The following TRIO variants were observed in gnomAD, a reference collection of about 807,000 sequenced individuals.
TRIO encodes the protein triple functional domain protein.
TRIO carries 58 observed loss-of-function variants against 351.9 expected under a neutral mutation model. The observed-to-expected ratio is 0.16, with a 90% CI of 0.13 to 0.21. The LOEUF is 0.21. Among genes scored for constraint, TRIO ranks in the 10% least tolerant of loss-of-function variants. The pLI, the probability that TRIO is intolerant of heterozygous loss-of-function variation, is 1.00. For missense variants in TRIO, 3,201 were observed against 4,027.8 expected, an observed-to-expected ratio of 0.79 and a Z score of 5.56; for synonymous variants, 1,758 against 1,595.7, an observed-to-expected ratio of 1.10 and a Z score of -2.42.
rs958526186 is a variant in TRIO at position 14,509,561 on chromosome 5, A to G, written c.*1139A>G. 1 of 321,362 alleles carries G rather than the reference A, an allele frequency of 3.1e-6. No homozygotes were observed. The highest frequency in any genetic ancestry group is 6.1e-6 in the Non-Finnish European group (1 of 164,236). The allele number at this position is 321,362 out of a possible 1,614,324, so 19.9% of individuals were successfully genotyped here. On this transcript the variant is annotated 3_prime_UTR_variant, in exon 57 of 57. Transcript: ENST00000344204. The stretch of plus-strand genomic sequence containing the variant: ...TATTATGCTATTATTCAGAATGCCA[A>G]AGTATTATTTTTTTTCCCAAAATCA...
chr5:14,456,451 T>C (rs1048631573), intron 34 of TRIO, among the ~76,000 whole-genome samples: 1 of 152,246 alleles, frequency 6.6e-6, no homozygotes, highest in Non-Finnish European at 1.5e-5. Flanking sequence ...TACACAGGGC[T>C]CTGACCACAG....
At chr5:14,192,032 T>A (rs1030356959) in intron 1 of TRIO, among the ~76,000 whole-genome samples, 5 of 152,196 alleles carry the variant, frequency 3.3e-5, no homozygotes, top group African/African-American at 1.2e-4. Flanking sequence ...GTATCTAATA[T>A]CCAGGAGATA....
chr5:14,363,342 T>A (rs775537970), intron 13 of TRIO, among the ~76,000 whole-genome samples: 7 of 152,230 alleles, frequency 4.6e-5, no homozygotes, highest in Non-Finnish European at 7.3e-5. Context: ...ACTTTTTCTT[T>A]TCTTTCTTTT....
At chr5:14,400,857 T>C in intron 30 of TRIO, 106 bp from the exon 31 acceptor site, 1 of 952,402 alleles carries the variant, frequency 1.0e-6, no homozygotes, top group Non-Finnish European at 1.6e-6. Context: ...GACGTTCTTA[T>C]AACCTAACAT....
chr5:14,170,758 G>C (rs1390801088), intron 1 of TRIO, among the ~76,000 whole-genome samples: 2 of 152,042 alleles, frequency 1.3e-5, no homozygotes, highest in East Asian at 3.9e-4. Flanking sequence ...TCTCGCCTTC[G>C]CTTCCCAAAG....
At chr5:14,378,386 A>G (rs1357927462) in intron 20 of TRIO, among the ~76,000 whole-genome samples, 1 of 152,258 alleles carries the variant, frequency 6.6e-6, no homozygotes, top group South Asian at 2.1e-4. Context: ...AGTACAAGTA[A>G]TAATGACAAG....
chr5:14,156,471 C>T (rs1270169677), intron 1 of TRIO, among the ~76,000 whole-genome samples: 2 of 152,074 alleles, frequency 1.3e-5, no homozygotes, highest in Non-Finnish European at 2.9e-5. Flanking sequence ...CATATGCAAA[C>T]GTGATTGAGA....
At chr5:14,258,022 A>G (rs1028023075) in intron 1 of TRIO, among the ~76,000 whole-genome samples, 3 of 152,184 alleles carry the variant, frequency 2.0e-5, no homozygotes, top group Non-Finnish European at 4.4e-5. Flanking sequence ...TGGAGAGACT[A>G]GGTAACTGCC....
chr5:14,241,862 T>C (rs1365080186), intron 1 of TRIO, among the ~76,000 whole-genome samples: 1 of 152,212 alleles, frequency 6.6e-6, no homozygotes, highest in African/African-American at 2.4e-5. Context: ...TTATATTCCA[T>C]TGCAAGCTTA....
intron 30 of TRIO, among the ~76,000 whole-genome samples, chr5:14,400,724 G>T (rs1170854406): frequency 6.6e-6 from 1 of 152,046 alleles, no homozygotes; most frequent in Admixed American, 6.6e-5. Flanking sequence ...TTTTTTGCTC[G>T]TTGACCTGCA....
At chr5:14,345,383 A>G (rs190358730) in intron 11 of TRIO, among the ~76,000 whole-genome samples, 15 of 152,264 alleles carry the variant, frequency 9.9e-5, no homozygotes, top group Admixed American at 9.8e-4. Context: ...CTGACTTCAG[A>G]TTTTATAGTT....
chr5:14,399,093 G>GT (rs1561441892), intron 30 of TRIO, 23 bp downstream of exon 30: 1 of 1,606,162 alleles, frequency 6.2e-7, no homozygotes, highest in Non-Finnish European at 8.5e-7. Flanking sequence ...GTTCAGAATT[G>GT]TAAGTCTAAA....
chr5:14,301,377 A>C (rs578244434), intron 7 of TRIO, among the ~76,000 whole-genome samples: 3 of 152,062 alleles, frequency 2.0e-5, no homozygotes, highest in African/African-American at 7.2e-5. Flanking sequence ...TCCTGCCTTT[A>C]TCCCCAGTCC....
At chr5:14,407,846 A>T (rs1200018165) in intron 33 of TRIO, among the ~76,000 whole-genome samples, 2 of 152,220 alleles carry the variant, frequency 1.3e-5, no homozygotes, top group Non-Finnish European at 2.9e-5. Context: ...GGGAACATTG[A>T]TCTTAATGAA....
intron 34 of TRIO, among the ~76,000 whole-genome samples, chr5:14,449,355 G>A (rs529116531): frequency 2.2e-4 from 34 of 152,308 alleles, no homozygotes; most frequent in East Asian, 3.9e-4. Flanking sequence ...GGCGGCTTCC[G>A]TTAGCACTGG....
intron 2 of TRIO, among the ~76,000 whole-genome samples, chr5:14,273,159 A>G (rs981238467): frequency 2.0e-5 from 3 of 152,208 alleles, no homozygotes; most frequent in Non-Finnish European, 4.4e-5. Context: ...AATATTAGGG[A>G]ATATTATGAT....
rs1248679989 is a variant in TRIO, at chr5:14,143,703, C to T, written c.-23C>T. ...AGGGGCGCGGGGCCCGAGGCGGGCG[C>T]GGCCGCGGGCGCCGCCGCAGCCATG... On this transcript the variant is annotated 5_prime_UTR_variant, in exon 1 of 57. Coordinates refer to ENST00000344204, the MANE Select transcript of TRIO (RefSeq NM_007118.4). 1 of 974,390 alleles carries T rather than the reference C, an allele frequency of 1.0e-6. No homozygotes were observed. Among genetic ancestry groups the T allele is most frequent in the Non-Finnish European group, 1.2e-6 (1 of 823,860 alleles). 60.4% of individuals were successfully genotyped at this position (974,390 alleles called of 1,614,324 possible).
intron 53 of TRIO, among the ~76,000 whole-genome samples, chr5:14,500,074 A>G (rs982461170): frequency 1.0e-4 from 15 of 148,916 alleles, no homozygotes; most frequent in African/African-American, 3.5e-4. Flanking sequence ...AAAAAAGACT[A>G]TTCATACCCT....
intron 8 of TRIO, among the ~76,000 whole-genome samples, chr5:14,304,905 G>A (rs960957221): frequency 1.3e-5 from 2 of 152,182 alleles, no homozygotes; most frequent in African/African-American, 4.8e-5. Context: ...GTGCTCTTCA[G>A]TCTAGTCAAA....
Sources: gnomAD v4.1 joint callset for allele counts (sites outside exome capture counted in the v4.1 genomes callset) on GRCh38, gnomAD v4.1.1 for gene constraint, MANE v1.5 for transcripts, NCBI Gene and HGNC (gene_info 2026-07-23, HGNC 2026-07-21) for gene names.